FSTL4: variants seen among roughly 807,000 people sequenced by gnomAD.
FSTL4 encodes the protein follistatin like 4, also known as follistatin-related protein 4.
In FSTL4, 28 loss-of-function variants were observed where a neutral mutation model predicts 78.2. The ratio of observed to expected loss-of-function variants is 0.36; its 90% CI spans 0.27 to 0.49. FSTL4 has a LOEUF of 0.49. FSTL4 is among the 20% of genes least tolerant of loss of function. The pLI is 0.98. For synonymous variants in FSTL4, 422 were observed against 440.5 expected (o/e 0.96, Z 0.53); for missense variants, 922 against 1,084.9 (o/e 0.85, Z 2.11).
intron 4 of FSTL4, among the ~76,000 whole-genome samples, chr5:133,397,116 G>A (rs1003473509): frequency 2.0e-5 from 3 of 152,188 alleles, no homozygotes; most frequent in Non-Finnish European, 4.4e-5. Context: ...GCTCATCTTC[G>A]TGAACAGCGT....
chr5:133,473,944 A>G (rs1436460120), intron 3 of FSTL4, among the ~76,000 whole-genome samples: 1 of 152,124 alleles, frequency 6.6e-6, no homozygotes, highest in East Asian at 1.9e-4. Context: ...ACCTCCCATG[A>G]GGTCCCTCCC....
At chr5:133,649,296 C>T in the FSTL4 span, among the ~76,000 whole-genome samples, 1 of 152,108 alleles carries the variant, frequency 6.6e-6, no homozygotes, top group African/African-American at 2.4e-5. Flanking sequence ...CCAAGTTTTG[C>T]CAAATATGAA....
At chr5:133,748,832 G>A in the FSTL4 span, among the ~76,000 whole-genome samples, 2 of 152,168 alleles carry the variant, frequency 1.3e-5, no homozygotes, top group Non-Finnish European at 2.9e-5. Context: ...ATTTGGAAGG[G>A]AAGAGAAGGC....
the FSTL4 span, among the ~76,000 whole-genome samples, chr5:133,765,335 C>A: frequency 6.6e-6 from 1 of 152,166 alleles, no homozygotes; most frequent in African/African-American, 2.4e-5. Context: ...ACCAAATGAA[C>A]CAGTATACAA....
chr5:133,837,062 C>T, the FSTL4 span, among the ~76,000 whole-genome samples: 3 of 152,234 alleles, frequency 2.0e-5, no homozygotes, highest in Non-Finnish European at 4.4e-5. Flanking sequence ...ACTCCAGTTA[C>T]GCATGTTAGA....
At chr5:133,769,248 G>A in the FSTL4 span, among the ~76,000 whole-genome samples, 1 of 152,204 alleles carries the variant, frequency 6.6e-6, no homozygotes, top group Non-Finnish European at 1.5e-5. Flanking sequence ...CATCATGCCT[G>A]CCACAGGAAA....
At chr5:133,646,562 A>T in the FSTL4 span, among the ~76,000 whole-genome samples, 7 of 152,178 alleles carry the variant, frequency 4.6e-5, no homozygotes, top group Non-Finnish European at 7.4e-5. Context: ...GAGAGAGAGC[A>T]GGGAGACAAG....
At chr5:133,538,692 G>A (rs80170731) in intron 3 of FSTL4, among the ~76,000 whole-genome samples, 3,649 of 152,064 alleles carry the variant, frequency 0.024, 148 homozygotes, top group African/African-American at 0.083. Flanking sequence ...TTTATTCAGT[G>A]TGTTATAATT....
the FSTL4 span, among the ~76,000 whole-genome samples, chr5:133,785,098 C>A: frequency 6.6e-6 from 1 of 152,176 alleles, no homozygotes; most frequent in African/African-American, 2.4e-5. Flanking sequence ...CAGGGCACAC[C>A]CAACACCTGC....
chr5:133,239,333 C>T (rs769853291), intron 7 of FSTL4, among the ~76,000 whole-genome samples: 4 of 152,022 alleles, frequency 2.6e-5, no homozygotes, highest in Non-Finnish European at 4.4e-5. Flanking sequence ...CACCCAAGGG[C>T]TGAGGAGTGC....
intron 4 of FSTL4, among the ~76,000 whole-genome samples, chr5:133,376,480 G>A (rs1325993885): frequency 6.6e-6 from 1 of 152,028 alleles, no homozygotes. Flanking sequence ...ATGGCATAAC[G>A]AACTCTGTAG....
intron 4 of FSTL4, among the ~76,000 whole-genome samples, chr5:133,328,698 C>T (rs1250836843): frequency 2.6e-5 from 4 of 152,200 alleles, no homozygotes; most frequent in Non-Finnish European, 2.9e-5. Flanking sequence ...CAGCCCTCCT[C>T]CCACTCTCCC....
At chr5:133,724,086 T>C in the FSTL4 span, among the ~76,000 whole-genome samples, 11 of 152,174 alleles carry the variant, frequency 7.2e-5, no homozygotes, top group South Asian at 2.3e-3. Context: ...CACTCCAATA[T>C]GGCACAATGT....
the FSTL4 span, among the ~76,000 whole-genome samples, chr5:133,771,066 T>C: frequency 7.6e-4 from 115 of 152,302 alleles, no homozygotes; most frequent in African/African-American, 2.6e-3. Context: ...CTTTTTATTC[T>C]GTTCCATTGA....
At chr5:133,792,185 T>C in the FSTL4 span, among the ~76,000 whole-genome samples, 71,917 of 151,980 alleles carry the variant, frequency 0.47, 18,842 homozygotes, top group Middle Eastern at 0.67. Context: ...AGCTGACCTG[T>C]GTCCTCCCAC....
At chr5:133,800,709 T>A in the FSTL4 span, among the ~76,000 whole-genome samples, 1 of 101,456 alleles carries the variant, frequency 9.9e-6, no homozygotes, top group East Asian at 2.2e-4. Context: ...GAGCTACAAA[T>A]GCTGCCTGGC....
At chr5:133,681,000 C>T in the FSTL4 span, among the ~76,000 whole-genome samples, 1 of 152,232 alleles carries the variant, frequency 6.6e-6, no homozygotes, top group Non-Finnish European at 1.5e-5. Flanking sequence ...GCAGTGGCCT[C>T]TCTACTCAGG....
chr5:133,740,612 C>T, the FSTL4 span, among the ~76,000 whole-genome samples: 2 of 152,188 alleles, frequency 1.3e-5, no homozygotes, highest in Non-Finnish European at 2.9e-5. Flanking sequence ...AGCACTCACG[C>T]AGCAGCCAGA....
At chr5:133,287,326 T>G (rs1753155334) in intron 6 of FSTL4, among the ~76,000 whole-genome samples, 1 of 149,634 alleles carries the variant, frequency 6.7e-6, no homozygotes. Flanking sequence ...AGGTGGGGCT[T>G]GCAGTGAGCT....
Sources: gnomAD v4.1 joint callset for allele counts (sites outside exome capture counted in the v4.1 genomes callset) on GRCh38, gnomAD v4.1.1 for gene constraint, MANE v1.5 for transcripts, NCBI Gene and HGNC (gene_info 2026-07-23, HGNC 2026-07-21) for gene names.